DYNC2LI1: variants seen among roughly 807,000 people sequenced by gnomAD.
DYNC2LI1 encodes the protein cytoplasmic dynein 2 light intermediate chain 1.
In DYNC2LI1, 45 loss-of-function variants were observed where a neutral mutation model predicts 51.9. The ratio of observed to expected loss-of-function variants is 0.87; its 90% CI spans 0.68 to 1.11. The LOEUF (loss-of-function observed/expected upper bound fraction) is 1.11, where lower values mean the gene tolerates loss of function less well. Among genes scored for constraint, DYNC2LI1 ranks in the 50% most tolerant of loss-of-function variants. The pLI, the probability that DYNC2LI1 is intolerant of heterozygous loss-of-function variation, is 0.00. For synonymous variants in DYNC2LI1, 130 were observed against 137.8 expected, an observed-to-expected ratio of 0.94 and a Z score of 0.40; for missense variants, 490 against 417.4, an observed-to-expected ratio of 1.17 and a Z score of -1.51.
At chr2:43,784,621 A>G (rs1289027124) in intron 3 of DYNC2LI1, among the ~76,000 whole-genome samples, 3 of 151,958 alleles carry the variant, frequency 2.0e-5, no homozygotes, top group African/African-American at 7.3e-5. Context: ...TTTAGTAGAG[A>G]CAGGGTTTCT....
At chr2:43,790,219 G>C (rs993574530) in intron 5 of DYNC2LI1, among the ~76,000 whole-genome samples, 2 of 152,198 alleles carry the variant, frequency 1.3e-5, no homozygotes, top group South Asian at 2.1e-4. Context: ...TAGAGAAATA[G>C]AACTTAGAGG....
At chr2:43,822,906 C>G in the DYNC2LI1 span, 15 of 1,614,130 alleles carry the variant, frequency 9.3e-6, no homozygotes, top group Non-Finnish European at 1.3e-5. Context: ...TCCTGACTCT[C>G]CTGGTCGCTG....
At chr2:43,823,833 G>T in the DYNC2LI1 span, 1 of 1,516,380 alleles carries the variant, frequency 6.6e-7, no homozygotes, top group South Asian at 1.2e-5. Flanking sequence ...CCTTATAATG[G>T]TAGACTTTTG....
the DYNC2LI1 span, chr2:43,820,064 T>C: frequency 4.1e-5 from 66 of 1,614,030 alleles, no homozygotes; most frequent in Middle Eastern, 4.9e-4. Flanking sequence ...CAGAAAAATA[T>C]CCAAATCGGG....
At chr2:43,780,027 C>T (rs573235846) in intron 2 of DYNC2LI1, among the ~76,000 whole-genome samples, 91 of 152,108 alleles carry the variant, frequency 6.0e-4, no homozygotes, top group African/African-American at 2.2e-3. Context: ...ACTATGGGCT[C>T]TGAGATGGAA....
At chr2:43,828,233 C>G in the DYNC2LI1 span, 1 of 1,364,626 alleles carries the variant, frequency 7.3e-7, no homozygotes, top group Non-Finnish European at 1.0e-6. Flanking sequence ...GGGCCACTTC[C>G]AGACTCACCA....
chr2:43,797,329 A>G (rs1665905859), intron 8 of DYNC2LI1, among the ~76,000 whole-genome samples: 1 of 152,082 alleles, frequency 6.6e-6, no homozygotes, highest in Admixed American at 6.6e-5. Flanking sequence ...AAAATGGAGA[A>G]AAACAGTACC....
chr2:43,824,404 G>A, the DYNC2LI1 span: 34 of 1,614,024 alleles, frequency 2.1e-5, no homozygotes, highest in South Asian at 3.6e-4. Context: ...CCCGTTCCTT[G>A]CTTTGGGTAT....
At chr2:43,796,064 A>G in intron 7 of DYNC2LI1, 106 bp downstream of exon 7, 1 of 839,186 alleles carries the variant, frequency 1.2e-6, no homozygotes. Flanking sequence ...TTATTGAAGG[A>G]ATCGGTTAAG....
At chr2:43,815,187 C>G in the DYNC2LI1 span, among the ~76,000 whole-genome samples, 1 of 152,330 alleles carries the variant, frequency 6.6e-6, no homozygotes, top group Admixed American at 6.5e-5. Flanking sequence ...AACCAACATT[C>G]ATTGTGAAAA....
rs201151187 is a variant in DYNC2LI1, at chr2:43,795,886, G to A, written c.508-4G>A. 1.7e-3 allele frequency: 2,716 copies of A among 1,608,944 alleles called. 5 individuals are homozygous for A. Among genetic ancestry groups the A allele is most frequent in the Non-Finnish European group, 2.2e-3 (2,560 of 1,175,784 alleles). ...ACAACTCAAGGAAATATGTTTATTA[G>A]CAGGATCATGAATTAATTGACCCAT... On this transcript the variant is annotated splice_polypyrimidine_tract_variant and splice_region_variant and intron_variant, in intron 6 of 12. Coordinates refer to ENST00000260605, the MANE Select transcript of DYNC2LI1 (RefSeq NM_016008.4).
chr2:43,826,257 C>T, the DYNC2LI1 span: 2 of 1,463,176 alleles, frequency 1.4e-6, no homozygotes, highest in African/African-American at 1.4e-5. Flanking sequence ...GCCTCAGCCT[C>T]CCAAAGTGCT....
chr2:43,781,198 C>G (rs991174684), intron 2 of DYNC2LI1, among the ~76,000 whole-genome samples: 2 of 151,940 alleles, frequency 1.3e-5, no homozygotes, highest in African/African-American at 4.8e-5. Context: ...GAAACCCCAT[C>G]TCAACTAAAA....
downstream of DYNC2LI1, among the ~76,000 whole-genome samples, chr2:43,813,745 T>A (rs1210190601): frequency 7.8e-6 from 1 of 128,338 alleles, no homozygotes; most frequent in African/African-American, 3.1e-5. Context: ...TGAGACACAG[T>A]TTCACTCTGC....
rs571706089 is a variant in DYNC2LI1 at position 43,779,646 on chromosome 2, A to C, written c.126+2747A>C. ...GTTGGGAGACTAGGAAAGCCTCCTG[A>C]AGAGAGTGATGGCTAAAGCTTGAAG... On this transcript the variant is annotated intron_variant, in intron 2 of 12. Transcript: ENST00000260605. 9.2e-5 allele frequency among the ~76,000 whole-genome samples: 14 copies of C among 152,336 alleles called. No individual in the cohort carries two copies. In the South Asian group the frequency reaches 2.9e-3, roughly 32 times the overall value.
chr2:43,817,899 G>A, the DYNC2LI1 span, among the ~76,000 whole-genome samples: 13 of 151,700 alleles, frequency 8.6e-5, no homozygotes, highest in African/African-American at 2.9e-4. Flanking sequence ...GACAGAGCGC[G>A]ATTCCCTCTC....
chr2:43,783,239 A>G (rs1673377183), intron 2 of DYNC2LI1, among the ~76,000 whole-genome samples: 1 of 152,214 alleles, frequency 6.6e-6, no homozygotes, highest in Non-Finnish European at 1.5e-5. Context: ...ACAGCTGCCA[A>G]GTTGACCACT....
intron 2 of DYNC2LI1, among the ~76,000 whole-genome samples, chr2:43,780,580 G>A (rs566872301): frequency 1.3e-4 from 20 of 152,272 alleles, no homozygotes; most frequent in Non-Finnish European, 2.2e-4. Flanking sequence ...TGCAGAGGAA[G>A]GGGTTCAGGG....
At chr2:43,805,943 A>G (rs1157894578) in intron 12 of DYNC2LI1, among the ~76,000 whole-genome samples, 1 of 150,708 alleles carries the variant, frequency 6.6e-6, no homozygotes, top group Non-Finnish European at 1.5e-5. Context: ...GTGCAGTGGC[A>G]TGACCTCGGC....
Sources: allele counts gnomAD v4.1 joint callset (sites outside exome capture counted in the v4.1 genomes callset), GRCh38; gene constraint gnomAD v4.1.1; transcripts MANE v1.5; gene names NCBI Gene and HGNC (gene_info 2026-07-23, HGNC 2026-07-21).